Variants in GRIK2 observed in about 807,000 individuals in gnomAD.
GRIK2 encodes glutamate ionotropic receptor kainate type subunit 2.
A neutral mutation model predicts 100.3 loss-of-function variants in GRIK2; 32 were observed. The observed-to-expected ratio is 0.32, with a 90% CI of 0.24 to 0.43. The LOEUF is 0.43. Ranked by LOEUF, GRIK2 falls within the 20% of genes least tolerant of loss-of-function variation. The pLI, the probability that GRIK2 is intolerant of heterozygous loss-of-function variation, is 1.00. For synonymous variants in GRIK2, 417 were observed against 389.4 expected (o/e 1.07, Z -0.83); for missense variants, 843 against 1,114.9 (o/e 0.76, Z 3.47).
At chr6:101,629,468 C>T (rs569832331) in intron 4 of GRIK2, among the ~76,000 whole-genome samples, 2 of 152,200 alleles carry the variant, frequency 1.3e-5, no homozygotes, top group African/African-American at 4.8e-5. Flanking sequence ...AGGCCCAGCC[C>T]TTGTTGAGCT....
At chr6:101,792,937 T>G (rs1470008293) in intron 7 of GRIK2, among the ~76,000 whole-genome samples, 5 of 152,102 alleles carry the variant, frequency 3.3e-5, no homozygotes, top group Non-Finnish European at 7.3e-5. Flanking sequence ...AAACTTCCCT[T>G]CTCGCTTCAT....
At chr6:101,682,275 G>A (rs1771329552) in intron 5 of GRIK2, among the ~76,000 whole-genome samples, 1 of 152,174 alleles carries the variant, frequency 6.6e-6, no homozygotes, top group Non-Finnish European at 1.5e-5. Context: ...CAGGTTTTGT[G>A]TCAAATTTAA....
chr6:101,413,503 GA>G (rs1775975126), intron 2 of GRIK2, among the ~76,000 whole-genome samples: 1 of 151,888 alleles, frequency 6.6e-6, no homozygotes, highest in South Asian at 2.1e-4. Flanking sequence ...CAAAGTAATT[GA>G]AAAAGCAAGA....
chr6:101,942,950 A>G lies in GRIK2; in HGVS notation c.2085+14318A>G, dbSNP rs1014995438. Among the ~76,000 whole-genome samples the G allele has an allele frequency of 2.0e-5, 3 of 152,326 alleles. No homozygotes were observed. The South Asian group carries it at 6.2e-4, about 32-fold the overall frequency. Reference sequence around the variant, plus strand: ...AATGTTAATAGCCAAGATAATAAGGAAAATGTCTCCAAGGCATTTCAGAGA... The same window carrying G: ...AATGTTAATAGCCAAGATAATAAGGGAAATGTCTCCAAGGCATTTCAGAGA... On this transcript the variant is annotated intron_variant, in intron 14 of 16. Coordinates refer to ENST00000369134, the MANE Select transcript of GRIK2 (RefSeq NM_021956.5).
intron 2 of GRIK2, among the ~76,000 whole-genome samples, chr6:101,545,765 C>T (rs1388751449): frequency 6.6e-6 from 1 of 152,170 alleles, no homozygotes; most frequent in Non-Finnish European, 1.5e-5. Context: ...CCTTAGGTCA[C>T]AAACCTTAAA....
intron 7 of GRIK2, among the ~76,000 whole-genome samples, chr6:101,775,373 A>G (rs532513740): frequency 2.0e-5 from 3 of 152,058 alleles, no homozygotes; most frequent in Non-Finnish European, 4.4e-5. Context: ...AGCAACCACT[A>G]TCACTCAGTG....
intron 2 of GRIK2, among the ~76,000 whole-genome samples, chr6:101,428,881 G>A (rs1769217198): frequency 6.6e-6 from 1 of 152,076 alleles, no homozygotes; most frequent in Non-Finnish European, 1.5e-5. Flanking sequence ...GCATCACACT[G>A]TCATTCTTTT....
chr6:101,550,641 G>C (rs762969556), intron 2 of GRIK2, among the ~76,000 whole-genome samples: 2 of 152,122 alleles, frequency 1.3e-5, no homozygotes, highest in Admixed American at 6.6e-5. Context: ...CTGTCTTAAC[G>C]TGGAATGTAA....
At chr6:101,539,147 G>A (rs1023158300) in intron 2 of GRIK2, among the ~76,000 whole-genome samples, 1 of 151,678 alleles carries the variant, frequency 6.6e-6, no homozygotes, top group Admixed American at 6.6e-5. Context: ...GATTAACACA[G>A]ACTCTTAAAA....
At chr6:101,774,126 A>G (rs555099806) in intron 7 of GRIK2, among the ~76,000 whole-genome samples, 1 of 152,286 alleles carries the variant, frequency 6.6e-6, no homozygotes, top group South Asian at 2.1e-4. Context: ...GGCATTTGGA[A>G]TTAATACTTA....
chr6:101,484,231 A>G (rs934322807), intron 2 of GRIK2, among the ~76,000 whole-genome samples: 1 of 152,172 alleles, frequency 6.6e-6, no homozygotes, highest in East Asian at 1.9e-4. Context: ...CACCATCCAT[A>G]TTTAATAGCA....
chr6:101,649,707 T>C (rs922654309), intron 4 of GRIK2, among the ~76,000 whole-genome samples: 10 of 152,074 alleles, frequency 6.6e-5, no homozygotes, highest in Non-Finnish European at 1.5e-4. Flanking sequence ...AATGAGTTTA[T>C]AAAATGTTCA....
At chr6:101,677,935 C>T (rs553652850) in intron 5 of GRIK2, among the ~76,000 whole-genome samples, 3 of 152,078 alleles carry the variant, frequency 2.0e-5, no homozygotes, top group Non-Finnish European at 4.4e-5. Flanking sequence ...ATAGTTTTAT[C>T]TTTGGATAAT....
chr6:101,415,616 C>T (rs1230282214), intron 2 of GRIK2, among the ~76,000 whole-genome samples: 3 of 152,074 alleles, frequency 2.0e-5, no homozygotes, highest in South Asian at 2.1e-4. Flanking sequence ...GTGATCCACC[C>T]GCCTCGGCCT....
chr6:101,971,280 T>C (rs927255664), intron 14 of GRIK2, among the ~76,000 whole-genome samples: 1 of 152,076 alleles, frequency 6.6e-6, no homozygotes, highest in Non-Finnish European at 1.5e-5. Flanking sequence ...ATAACAAAAA[T>C]GTATTTCTGC....
intron 11 of GRIK2, among the ~76,000 whole-genome samples, chr6:101,880,137 A>G (rs970778582): frequency 3.3e-5 from 5 of 152,048 alleles, no homozygotes; most frequent in African/African-American, 7.2e-5. Context: ...ACTCAAGGCT[A>G]TTCTTATGTC....
chr6:102,044,895 A>G (rs369630614), intron 15 of GRIK2, among the ~76,000 whole-genome samples: 1 of 151,956 alleles, frequency 6.6e-6, no homozygotes, highest in African/African-American at 2.4e-5. Flanking sequence ...CACTTTTCCT[A>G]GGCTGCCACA....
intron 14 of GRIK2, among the ~76,000 whole-genome samples, chr6:101,940,104 A>G (rs1562499642): frequency 6.6e-6 from 1 of 152,194 alleles, no homozygotes; most frequent in South Asian, 2.1e-4. Flanking sequence ...ATAAACAGCA[A>G]AAGTTCTTCA....
intron 4 of GRIK2, among the ~76,000 whole-genome samples, chr6:101,649,353 T>G (rs1266897656): frequency 5.3e-5 from 8 of 152,136 alleles, no homozygotes; most frequent in Admixed American, 5.2e-4. Flanking sequence ...TTATGCAACG[T>G]GCCCAAGGTC....
Sources: allele counts gnomAD v4.1 joint callset (sites outside exome capture counted in the v4.1 genomes callset), GRCh38; gene constraint gnomAD v4.1.1; transcripts MANE v1.5; gene names NCBI Gene and HGNC (gene_info 2026-07-23, HGNC 2026-07-21).